ANK2: variants seen among roughly 807,000 people sequenced by gnomAD.
The protein encoded by ANK2 is ankyrin-2.
Under a neutral mutation model 360.5 loss-of-function variants are expected in ANK2, and 83 were observed. The observed-to-expected ratio is 0.23, with a 90% CI of 0.19 to 0.28. The LOEUF is 0.28. ANK2 is among the 10% of genes least tolerant of loss of function. The pLI is 1.00. For synonymous variants in ANK2, 1,740 were observed against 1,759.5 expected (o/e 0.99, Z 0.28); for missense variants, 4,201 against 4,795.7 (o/e 0.88, Z 3.66).
At chr4:113,211,060 A>G (rs2099015716) in intron 4 of ANK2, among the ~76,000 whole-genome samples, 1 of 152,228 alleles carries the variant, frequency 6.6e-6, no homozygotes, top group African/African-American at 2.4e-5. Flanking sequence ...ATCTATAAGG[A>G]CTGTTGATAG....
chr4:112,784,448 C>A, the ANK2 span, among the ~76,000 whole-genome samples: 2,737 of 151,186 alleles, frequency 0.018, 52 homozygotes, highest in Middle Eastern at 0.031. Context: ...AGCTCCGCCT[C>A]CCAGGTTCAC....
intron 2 of ANK2, among the ~76,000 whole-genome samples, chr4:112,936,781 AT>A (rs552875423): frequency 1.5e-4 from 22 of 150,330 alleles, no homozygotes; most frequent in Admixed American, 4.6e-4. Flanking sequence ...TTTATTTATA[AT>A]TTTTTTTTTG....
At chr4:112,769,828 C>G in the ANK2 span, among the ~76,000 whole-genome samples, 1 of 152,060 alleles carries the variant, frequency 6.6e-6, no homozygotes, top group Non-Finnish European at 1.5e-5. Context: ...TTTTTGCTTC[C>G]TGCCTACTGC....
chr4:112,841,631 T>C (rs1432049224), intron 1 of ANK2, among the ~76,000 whole-genome samples: 1 of 152,238 alleles, frequency 6.6e-6, no homozygotes. Context: ...CCAAATGGCC[T>C]GACAAATTGG....
Position 113,237,163 on chromosome 4 carries a change from A to G in ANK2, c.660A>G (p.Val220=), listed in dbSNP as rs148143699. The change falls in exon 6 of 46, where the codon GTA becomes GTG. Residue 220 remains valine (V), a synonymous_variant. Transcript: ENST00000357077. ...TTCAGAATGACCACAATGCTGACGT[A>G]CAATCCAAGGTACTTAAAGCTGAAC... ...LLLQNDHNAD[V]QSKMMVNRTT... 8 of 1,613,782 alleles carry G rather than the reference A, an allele frequency of 5.0e-6. No individual in the cohort carries two copies. In the African/African-American group the frequency reaches 9.3e-5, roughly 19 times the overall value.
At chr4:113,370,903 G>C (rs1589281626) in intron 43 of ANK2, among the ~76,000 whole-genome samples, 1 of 152,128 alleles carries the variant, frequency 6.6e-6, no homozygotes, top group African/African-American at 2.4e-5. Context: ...GGGAAAGCAA[G>C]AATTTGCCTT....
At chr4:112,775,546 A>ACACACACACACACACACACACACACACAC in the ANK2 span, among the ~76,000 whole-genome samples, 4 of 8,768 alleles carry the variant, frequency 4.6e-4, no homozygotes, top group South Asian at 4.4e-3. Flanking sequence ...CACACACACA[A>ACACACACACACACACACACACACACACAC]GAAAAAAAAT....
chr4:112,733,932 A>T, the ANK2 span, among the ~76,000 whole-genome samples: 1 of 151,870 alleles, frequency 6.6e-6, no homozygotes, highest in South Asian at 2.1e-4. Context: ...CCGCCACCAC[A>T]CCCGGCTAAT....
chr4:113,057,202 G>A (rs924875337), intron 1 of ANK2, among the ~76,000 whole-genome samples: 1 of 152,098 alleles, frequency 6.6e-6, no homozygotes, highest in Non-Finnish European at 1.5e-5. Context: ...AATATTATAG[G>A]TATACTCACA....
intron 10 of ANK2, 103 bp downstream of exon 10, chr4:113,249,965 G>T: frequency 2.8e-6 from 3 of 1,055,328 alleles, no homozygotes; most frequent in Non-Finnish European, 1.4e-6. Context: ...GCATTTTCTA[G>T]TTCTTTAATA....
chr4:112,751,206 G>C, the ANK2 span, among the ~76,000 whole-genome samples: 1 of 152,126 alleles, frequency 6.6e-6, no homozygotes. Flanking sequence ...AGGAAATGTG[G>C]CAGTGTAAAA....
At chr4:112,927,287 T>C (rs948728541) in intron 2 of ANK2, among the ~76,000 whole-genome samples, 3 of 152,192 alleles carry the variant, frequency 2.0e-5, no homozygotes, top group Non-Finnish European at 2.9e-5. Context: ...CTACATAAAA[T>C]CCTTTACTTA....
At chr4:113,365,883 C>T (rs191132335) in intron 41 of ANK2, among the ~76,000 whole-genome samples, 60 of 152,214 alleles carry the variant, frequency 3.9e-4, no homozygotes, top group African/African-American at 1.3e-3. Context: ...TTAACTCTAC[C>T]TTCCATCCTA....
At chr4:112,884,916 A>C (rs1441597302) in intron 1 of ANK2, among the ~76,000 whole-genome samples, 1 of 152,014 alleles carries the variant, frequency 6.6e-6, no homozygotes, top group Non-Finnish European at 1.5e-5. Flanking sequence ...TTATTATTTC[A>C]GATATGTGAG....
At chr4:113,370,420 TTAAG>T (rs1391669342) in intron 43 of ANK2, among the ~76,000 whole-genome samples, 1 of 152,104 alleles carries the variant, frequency 6.6e-6, no homozygotes, top group Non-Finnish European at 1.5e-5. Context: ...TCCTTTGTCA[TTAAG>T]TGAGTTTTAA....
intron 1 of ANK2, among the ~76,000 whole-genome samples, chr4:113,108,210 A>T (rs1229095694): frequency 1.3e-5 from 2 of 152,196 alleles, no homozygotes; most frequent in Non-Finnish European, 2.9e-5. Context: ...GGCAGTCAGT[A>T]ATTAAAGACA....
chr4:113,160,547 G>C (rs954691051), intron 1 of ANK2, among the ~76,000 whole-genome samples: 2 of 152,148 alleles, frequency 1.3e-5, no homozygotes, highest in South Asian at 4.1e-4. Context: ...GACCAATGCT[G>C]CTTGACATTC....
chr4:113,174,606 A>G, intron 2 of ANK2, 89 bp downstream of exon 2: 2 of 1,047,746 alleles, frequency 1.9e-6, no homozygotes, highest in Non-Finnish European at 2.8e-6. Context: ...TCTTTATTAA[A>G]AATACTAAAA....
chr4:113,104,478 C>T (rs1276706855), intron 1 of ANK2, among the ~76,000 whole-genome samples: 1 of 152,162 alleles, frequency 6.6e-6, no homozygotes, highest in East Asian at 1.9e-4. Context: ...CTTTGGGATG[C>T]TGAGGCAGGC....
Sources: gnomAD v4.1 joint callset for allele counts (sites outside exome capture counted in the v4.1 genomes callset) on GRCh38, gnomAD v4.1.1 for gene constraint, MANE v1.5 for transcripts, NCBI Gene and HGNC (gene_info 2026-07-23, HGNC 2026-07-21) for gene names.